ALPK1: variants seen among roughly 807,000 people sequenced by gnomAD.
The protein encoded by ALPK1 is alpha-protein kinase 1.
A neutral mutation model predicts 120.6 loss-of-function variants in ALPK1; 110 were observed. That is an observed-to-expected ratio of 0.91 (90% confidence interval 0.78 to 1.07). The LOEUF is 1.07. ALPK1 is among the 50% of genes least tolerant of loss of function. The probability of loss-of-function intolerance (pLI) is 0.00; values close to 1 mark genes in which losing one functional copy is unlikely to be tolerated. For synonymous variants in ALPK1, 582 were observed against 560.3 expected, an observed-to-expected ratio of 1.04 and a Z score of -0.55; for missense variants, 1,498 against 1,483.9, an observed-to-expected ratio of 1.01 and a Z score of -0.16.
chr4:112,416,577 G>C (rs561945080), intron 5 of ALPK1, among the ~76,000 whole-genome samples: 1 of 152,056 alleles, frequency 6.6e-6, no homozygotes, highest in South Asian at 2.1e-4. Flanking sequence ...TCTAGCCTTG[G>C]GCAAAAAAGT....
intron 2 of ALPK1, among the ~76,000 whole-genome samples, chr4:112,338,154 A>G (rs781240764): frequency 2.6e-5 from 4 of 152,042 alleles, no homozygotes; most frequent in Non-Finnish European, 4.4e-5. Context: ...TTTAGTAGAG[A>G]CGGGGTTTTG....
At chr4:112,301,139 C>T (rs555879842) in intron 1 of ALPK1, among the ~76,000 whole-genome samples, 6 of 152,100 alleles carry the variant, frequency 3.9e-5, no homozygotes, top group Non-Finnish European at 7.4e-5. Flanking sequence ...CTGGTCAGCC[C>T]GTCATCATTT....
chr4:112,327,641 A>G (rs1199509015), intron 2 of ALPK1, among the ~76,000 whole-genome samples: 1 of 152,040 alleles, frequency 6.6e-6, no homozygotes, highest in Non-Finnish European at 1.5e-5. Context: ...GGTCTCTACA[A>G]ACAATGTTGT....
At chr4:112,417,360 CTT>C (rs1317554826) in intron 5 of ALPK1, among the ~76,000 whole-genome samples, 2 of 152,098 alleles carry the variant, frequency 1.3e-5, no homozygotes, top group African/African-American at 4.8e-5. Flanking sequence ...GGCAATATCA[CTT>C]ATATAATTAA....
chr4:112,424,855 G>T (rs894707042), intron 6 of ALPK1, among the ~76,000 whole-genome samples: 2 of 152,168 alleles, frequency 1.3e-5, no homozygotes, highest in Non-Finnish European at 2.9e-5. Context: ...TGGTGAGGGG[G>T]TAGTAAAGAG....
At chr4:112,335,198 G>A (rs1729558000) in intron 2 of ALPK1, among the ~76,000 whole-genome samples, 1 of 151,666 alleles carries the variant, frequency 6.6e-6, no homozygotes, top group South Asian at 2.1e-4. Context: ...GGAGGTTGCG[G>A]TGAGTCAAGA....
chr4:112,367,307 T>C (rs1477989159), intron 2 of ALPK1, among the ~76,000 whole-genome samples: 1 of 152,216 alleles, frequency 6.6e-6, no homozygotes, highest in East Asian at 1.9e-4. Flanking sequence ...AACAGTAGAC[T>C]ATACATCAGA....
intron 2 of ALPK1, chr4:112,358,537 G>A (rs948866699): frequency 2.3e-5 from 16 of 696,200 alleles, no homozygotes; most frequent in Non-Finnish European, 3.1e-5. Context: ...AGGGCAGCCT[G>A]TATATGGAGT....
chr4:112,302,684 C>A (rs1246991806), intron 1 of ALPK1, among the ~76,000 whole-genome samples: 3 of 152,124 alleles, frequency 2.0e-5, no homozygotes, highest in African/African-American at 7.2e-5. Context: ...CCTTCTCAGC[C>A]CTCTGCTGCG....
intron 1 of ALPK1, among the ~76,000 whole-genome samples, chr4:112,309,521 C>T (rs750688798): frequency 2.6e-5 from 4 of 152,150 alleles, no homozygotes; most frequent in South Asian, 2.1e-4. Flanking sequence ...ATGAGCGAGG[C>T]TCCGTGGGTG....
chr4:112,302,365 C>T (rs1578442240), intron 1 of ALPK1: 1 of 152,292 alleles, frequency 6.6e-6, no homozygotes, highest in Admixed American at 6.6e-5. Flanking sequence ...ACCTGGAGAT[C>T]CCTCTACTTG....
intron 14 of ALPK1, among the ~76,000 whole-genome samples, chr4:112,440,526 T>C (rs1004004854): frequency 3.3e-5 from 5 of 152,078 alleles, no homozygotes; most frequent in African/African-American, 1.2e-4. Flanking sequence ...AAATATTTGT[T>C]GAATGAACAG....
intron 2 of ALPK1, among the ~76,000 whole-genome samples, chr4:112,344,680 T>G (rs1405305737): frequency 6.6e-6 from 1 of 152,236 alleles, no homozygotes; most frequent in Non-Finnish European, 1.5e-5. Flanking sequence ...CTGGAAATTC[T>G]GAATACACAC....
chr4:112,330,786 C>T (rs1438957384), intron 2 of ALPK1, among the ~76,000 whole-genome samples: 3 of 152,148 alleles, frequency 2.0e-5, no homozygotes, highest in Non-Finnish European at 2.9e-5. Flanking sequence ...ATGGTATGAC[C>T]GATCGATGAA....
chr4:112,324,218 T>G (rs1439030717), intron 2 of ALPK1, among the ~76,000 whole-genome samples: 2 of 151,070 alleles, frequency 1.3e-5, no homozygotes, highest in Non-Finnish European at 2.9e-5. Context: ...TCCCAGCTAC[T>G]GGGGAGGCTG....
At chr4:112,396,558 A>G (rs1245497562) in intron 4 of ALPK1, among the ~76,000 whole-genome samples, 18 of 152,198 alleles carry the variant, frequency 1.2e-4, no homozygotes, top group Admixed American at 1.2e-3. Context: ...ACTTTTTAAA[A>G]TGTTAGTGAA....
At chr4:112,419,199 C>G (rs963506502) in intron 5 of ALPK1, among the ~76,000 whole-genome samples, 2 of 152,114 alleles carry the variant, frequency 1.3e-5, no homozygotes, top group African/African-American at 2.4e-5. Context: ...TGATATCTGT[C>G]ATTTTAAATA....
Position 112,414,585 on chromosome 4 carries a change from G to T in ALPK1, c.475+2560G>T, listed in dbSNP as rs552912316. 10 of 179,230 alleles carry T rather than the reference G, an allele frequency of 5.6e-5. No individual in the cohort carries two copies. In the East Asian group the frequency reaches 1.1e-3, roughly 20 times the overall value. 11.1% of individuals were successfully genotyped at this position (179,230 alleles called of 1,614,324 possible). The stretch of plus-strand genomic sequence containing the variant: ...ATCACACCATTGTACTCCAGCCTGG[G>T]GCACAAGATCAAGACTTCGTCTCAA... On this transcript the variant is annotated intron_variant, in intron 5 of 15. Coordinates refer to ENST00000650871, the MANE Select transcript of ALPK1 (RefSeq NM_025144.4).
chr4:112,432,654 G>A, intron 11 of ALPK1, 73 bp downstream of exon 11: 1 of 1,403,826 alleles, frequency 7.1e-7, no homozygotes, highest in Non-Finnish European at 9.7e-7. Context: ...AGCTTGGTAT[G>A]TAGATCACTT....
Sources: allele counts gnomAD v4.1 joint callset (sites outside exome capture counted in the v4.1 genomes callset), GRCh38; gene constraint gnomAD v4.1.1; transcripts MANE v1.5; gene names NCBI Gene and HGNC (gene_info 2026-07-23, HGNC 2026-07-21).